CNTN4: variants seen among roughly 807,000 people sequenced by gnomAD.
The protein encoded by CNTN4 is contactin 4.
Under a neutral mutation model 122.5 loss-of-function variants are expected in CNTN4, and 77 were observed. That is an observed-to-expected ratio of 0.63 (90% CI 0.52 to 0.76). The LOEUF (loss-of-function observed/expected upper bound fraction) is 0.76. Ranked by LOEUF, CNTN4 falls within the 30% of genes least tolerant of loss-of-function variation. The pLI, the probability that CNTN4 is intolerant of heterozygous loss-of-function variation, is 0.00. For missense variants in CNTN4, 1,256 were observed against 1,259.1 expected (o/e 1.00, Z 0.04); for synonymous variants, 512 against 447.0 (o/e 1.15, Z -1.83).
chr3:2,491,494 T>G (rs1262068496), intron 3 of CNTN4, among the ~76,000 whole-genome samples: 1 of 152,160 alleles, frequency 6.6e-6, no homozygotes, highest in Admixed American at 6.5e-5. Context: ...TAAAAAATAT[T>G]TTTCTGAACG....
At position 2,791,785 on chromosome 3, in the gene CNTN4, G is replaced by A. The variant is rs528519784; in HGVS notation, c.359-27701G>A. Among the ~76,000 whole-genome samples, 16 of 152,274 alleles carry A rather than the reference G, an allele frequency of 1.1e-4. No individual in the cohort carries two copies. In the East Asian group the frequency reaches 1.2e-3, roughly 11 times the overall value. On this transcript the variant is annotated intron_variant, in intron 6 of 24. Coordinates refer to ENST00000418658, the MANE Select transcript of CNTN4 (RefSeq NM_175607.3). The stretch of plus-strand genomic sequence containing the variant: ...AGGGGTTTTAGGGAAGAATCTTTGC[G>A]TCTTCCACCTCCTGATGGCTGCCCT...
At chr3:2,469,700 G>C (rs1162543915) in intron 3 of CNTN4, among the ~76,000 whole-genome samples, 1 of 152,160 alleles carries the variant, frequency 6.6e-6, no homozygotes, top group Non-Finnish European at 1.5e-5. Flanking sequence ...GGTACATTGT[G>C]TCAGTACAAA....
chr3:2,848,215 G>T (rs937577838), intron 7 of CNTN4, among the ~76,000 whole-genome samples: 2 of 152,120 alleles, frequency 1.3e-5, no homozygotes, highest in Non-Finnish European at 2.9e-5. Flanking sequence ...GTCCAGCCTG[G>T]GCAACAGAGT....
At chr3:2,693,005 G>A (rs898593256) in intron 4 of CNTN4, among the ~76,000 whole-genome samples, 3 of 152,038 alleles carry the variant, frequency 2.0e-5, no homozygotes, top group Non-Finnish European at 4.4e-5. Flanking sequence ...ACACCTGTAT[G>A]CATGTCAATG....
rs1392056209 is a variant in CNTN4, at chr3:2,833,220, A to G, written c.454+13639A>G. Among the ~76,000 whole-genome samples the G allele has an allele frequency of 4.6e-5, 7 of 152,226 alleles. No individual in the cohort carries two copies. In the East Asian group the frequency reaches 1.3e-3, roughly 29 times the overall value. The stretch of plus-strand genomic sequence containing the variant: ...AACAAAGATGCCAATGTTAAAAGAG[A>G]GTTGCCGCCAATGCAGATTGAGGTT... On this transcript the variant is annotated intron_variant, in intron 7 of 24. Coordinates refer to ENST00000418658, the MANE Select transcript of CNTN4 (RefSeq NM_175607.3).
At chr3:2,932,519 C>G (rs2094530345) in intron 13 of CNTN4, among the ~76,000 whole-genome samples, 1 of 152,206 alleles carries the variant, frequency 6.6e-6, no homozygotes, top group Non-Finnish European at 1.5e-5. Flanking sequence ...AGGGGAGAAT[C>G]TGTTTCCAGC....
At chr3:2,760,824 G>A (rs1445195711) in intron 6 of CNTN4, among the ~76,000 whole-genome samples, 1 of 152,112 alleles carries the variant, frequency 6.6e-6, no homozygotes, top group Non-Finnish European at 1.5e-5. Context: ...CCAAATTTGA[G>A]GTAGAACTCA....
At chr3:2,492,892 G>T (rs944989315) in intron 3 of CNTN4, among the ~76,000 whole-genome samples, 7 of 152,072 alleles carry the variant, frequency 4.6e-5, no homozygotes, top group African/African-American at 1.7e-4. Context: ...AATCTATCAG[G>T]TTTTTATAGG....
chr3:2,229,498 G>A (rs549903342), intron 2 of CNTN4, among the ~76,000 whole-genome samples: 2 of 152,090 alleles, frequency 1.3e-5, no homozygotes, highest in Admixed American at 1.3e-4. Flanking sequence ...ATTATGCAGT[G>A]CTAAACATTA....
At chr3:2,487,185 A>C (rs1046429734) in intron 3 of CNTN4, among the ~76,000 whole-genome samples, 7 of 152,206 alleles carry the variant, frequency 4.6e-5, no homozygotes, top group Admixed American at 1.3e-4. Flanking sequence ...TTTGTTGGTA[A>C]AATTACTAAT....
chr3:2,132,473 G>C (rs915014340), intron 2 of CNTN4: 2 of 152,138 alleles, frequency 1.3e-5, no homozygotes, highest in Non-Finnish European at 2.9e-5. Context: ...GAGATAATGT[G>C]TTATATTCCT....
At chr3:2,250,012 T>G (rs965306633) in intron 2 of CNTN4, among the ~76,000 whole-genome samples, 1 of 151,986 alleles carries the variant, frequency 6.6e-6, no homozygotes, top group African/African-American at 2.4e-5. Context: ...TAGAATTTCC[T>G]TATCCATTTC....
At chr3:2,120,350 GTT>G (rs2033639074) in intron 2 of CNTN4, among the ~76,000 whole-genome samples, 1 of 37,708 alleles carries the variant, frequency 2.7e-5, no homozygotes, top group African/African-American at 7.9e-5. Flanking sequence ...AGGCATTTAG[GTT>G]ATATATATAT....
chr3:2,279,198 A>C (rs1282554429), intron 2 of CNTN4, among the ~76,000 whole-genome samples: 1 of 149,800 alleles, frequency 6.7e-6, no homozygotes, highest in Non-Finnish European at 1.5e-5. Flanking sequence ...AATAAGGATT[A>C]ATAAATTTGA....
chr3:2,766,645 G>A (rs964069891), intron 6 of CNTN4, among the ~76,000 whole-genome samples: 2 of 152,090 alleles, frequency 1.3e-5, no homozygotes, highest in African/African-American at 2.4e-5. Context: ...TGGGTTCAGC[G>A]TATACTGCTT....
At chr3:2,249,209 A>G (rs973354049) in intron 2 of CNTN4, among the ~76,000 whole-genome samples, 3 of 152,008 alleles carry the variant, frequency 2.0e-5, no homozygotes, top group African/African-American at 7.2e-5. Context: ...TTCTGTCACC[A>G]GCACTATTTA....
At chr3:2,516,175 G>A (rs1180595064) in intron 3 of CNTN4, among the ~76,000 whole-genome samples, 2 of 151,618 alleles carry the variant, frequency 1.3e-5, no homozygotes, top group East Asian at 1.9e-4. Context: ...TATATTTGAT[G>A]CATATATATA....
intron 2 of CNTN4, among the ~76,000 whole-genome samples, chr3:2,313,842 T>C (rs192837239): frequency 6.6e-6 from 1 of 151,970 alleles, no homozygotes. Flanking sequence ...TAAAGGATGC[T>C]TCCCTTATAC....
intron 3 of CNTN4, among the ~76,000 whole-genome samples, chr3:2,493,815 G>A (rs570991047): frequency 2.0e-5 from 3 of 152,050 alleles, no homozygotes; most frequent in Non-Finnish European, 4.4e-5. Flanking sequence ...GAAATGATTC[G>A]GCTGGGAATT....
Sources: allele counts gnomAD v4.1 joint callset (sites outside exome capture counted in the v4.1 genomes callset), GRCh38; gene constraint gnomAD v4.1.1; transcripts MANE v1.5; gene names NCBI Gene and HGNC (gene_info 2026-07-23, HGNC 2026-07-21).